Variants in ZNF536 observed in about 807,000 individuals in gnomAD.
ZNF536 encodes the protein zinc finger protein 536.
In ZNF536, 13 loss-of-function variants were observed where a neutral mutation model predicts 84.5. The observed-to-expected ratio is 0.15, with a 90% CI of 0.10 to 0.24. The LOEUF is 0.24. ZNF536 is among the 10% of genes least tolerant of loss of function. The probability of loss-of-function intolerance (pLI) is 1.00; values close to 1 mark genes in which losing one functional copy is unlikely to be tolerated. For missense variants in ZNF536, 1,536 were observed against 1,747.5 expected, an observed-to-expected ratio of 0.88 and a Z score of 2.16; for synonymous variants, 811 against 742.5, an observed-to-expected ratio of 1.09 and a Z score of -1.50.
At chr19:30,243,331 T>C (rs2024064884) in intron 1 of ZNF536, among the ~76,000 whole-genome samples, 1 of 152,144 alleles carries the variant, frequency 6.6e-6, no homozygotes, top group African/African-American at 2.4e-5. Context: ...ATTTAAAACA[T>C]TAGTTAGAAC....
At chr19:30,711,229 A>C (rs1478244494) in exon 2 of ZNF536, 1 of 152,086 alleles carries the variant, frequency 6.6e-6, no homozygotes, top group African/African-American at 2.4e-5. Flanking sequence ...AGTACTTCCA[A>C]AACAATGCAG....
At position 30,286,597 on chromosome 19, in the gene ZNF536, A is replaced by T. The variant is rs2045640033; in HGVS notation, c.-120+2456A>T. Among the ~76,000 whole-genome samples the T allele has an allele frequency of 2.0e-5, 3 of 152,006 alleles. No homozygotes were observed. The South Asian group carries it at 6.2e-4, about 32-fold the overall frequency. On this transcript the variant is annotated intron_variant, in intron 2 of 5. Coordinates refer to the ZNF536 transcript ENST00000585628. ...AAGACAGACAGAGAGAGAAAGAGAGAGAGAAGGAGAGAGACAGAGAGAGAG... is the reference window on the plus strand; with the variant it reads ...AAGACAGACAGAGAGAGAAAGAGAGTGAGAAGGAGAGAGACAGAGAGAGAG...
At position 30,600,933 on chromosome 19, in the gene ZNF536, G is replaced by A. The variant is rs543086017; in HGVS notation, c.169+51419G>A. On this transcript the variant is annotated intron_variant, in intron 1 of 1. Coordinates refer to the ZNF536 transcript ENST00000592773. ...GGAAAAGTGAACGCTTGTTTTATTC[G>A]TTGTTTTTGTTGTTAATTGAGCAAC... Among the ~76,000 whole-genome samples the A allele has an allele frequency of 1.2e-4, 18 of 152,306 alleles. No individual in the cohort carries two copies. The South Asian group carries it at 2.1e-3, about 18-fold the overall frequency.
intron 2 of ZNF536, among the ~76,000 whole-genome samples, chr19:30,320,922 G>A (rs1463793329): frequency 1.3e-5 from 2 of 152,150 alleles, no homozygotes; most frequent in Admixed American, 6.5e-5. Context: ...CACAGAATAC[G>A]TATTGAATGG....
rs117389314 is a variant in ZNF536 at position 30,348,850 on chromosome 19, G to A, written c.-119-3518G>A. On this transcript the variant is annotated intron_variant, in intron 2 of 5. Coordinates refer to the ZNF536 transcript ENST00000585628. ...TTTATTTTCACGTGATCCCTGAGAG[G>A]CCAGCAGAATGAATGCCAGTGCACC... Among the ~76,000 whole-genome samples the A allele has an allele frequency of 8.3e-3, 1,251 of 150,220 alleles. 12 individuals carry two copies. Among genetic ancestry groups the A allele is most frequent in the Middle Eastern group, 0.014 (4 of 286 alleles).
chr19:30,343,007 C>G (rs1043504646), intron 2 of ZNF536, among the ~76,000 whole-genome samples: 3 of 152,116 alleles, frequency 2.0e-5, no homozygotes, highest in Non-Finnish European at 4.4e-5. Context: ...CACTAAAGGC[C>G]AGGTGATGGT....
At chr19:30,291,136 T>TG (rs1316931668) in intron 2 of ZNF536, among the ~76,000 whole-genome samples, 1 of 152,226 alleles carries the variant, frequency 6.6e-6, no homozygotes, top group African/African-American at 2.4e-5. Context: ...TAGATAGTGC[T>TG]GCAAAAAATA....
At chr19:30,546,785 G>C (rs1250974858) in intron 3 of ZNF536, among the ~76,000 whole-genome samples, 1 of 152,216 alleles carries the variant, frequency 6.6e-6, no homozygotes, top group Admixed American at 6.5e-5. Context: ...AGCGGGGACT[G>C]TCACAGTCCC....
chr19:30,615,524 T>C (rs906606039), intron 1 of ZNF536, among the ~76,000 whole-genome samples: 1 of 152,168 alleles, frequency 6.6e-6, no homozygotes, highest in African/African-American at 2.4e-5. Context: ...ATATCAATGA[T>C]TTTGCAATTC....
intron 2 of ZNF536, among the ~76,000 whole-genome samples, chr19:30,339,096 G>A (rs1038572619): frequency 4.6e-5 from 7 of 152,182 alleles, no homozygotes; most frequent in Admixed American, 4.6e-4. Flanking sequence ...GCTTACGGGA[G>A]AGCTGCATGT....
intron 1 of ZNF536, among the ~76,000 whole-genome samples, chr19:30,692,211 C>T (rs951238678): frequency 6.6e-6 from 1 of 152,242 alleles, no homozygotes; most frequent in African/African-American, 2.4e-5. Context: ...GGTGCCGACG[C>T]AAGAAACTGC....
chr19:30,321,134 C>T (rs1226775732), intron 2 of ZNF536, among the ~76,000 whole-genome samples: 1 of 152,222 alleles, frequency 6.6e-6, no homozygotes, highest in Non-Finnish European at 1.5e-5. Flanking sequence ...GCAACCCCGA[C>T]CTCCCAGCCC....
chr19:30,458,454 T>G (rs897842036), intron 2 of ZNF536, among the ~76,000 whole-genome samples: 1 of 144,516 alleles, frequency 6.9e-6, no homozygotes, highest in Non-Finnish European at 1.5e-5. Context: ...GCTGTTTTTT[T>G]TTTTTTTTTT....
chr19:30,364,405 C>A (rs1008818671), intron 3 of ZNF536, among the ~76,000 whole-genome samples: 1 of 152,004 alleles, frequency 6.6e-6, no homozygotes, highest in African/African-American at 2.4e-5. Context: ...CGTGCACCTG[C>A]AATCCTAGCT....
chr19:30,653,370 G>A (rs2147478511), intron 1 of ZNF536, among the ~76,000 whole-genome samples: 1 of 152,156 alleles, frequency 6.6e-6, no homozygotes. Flanking sequence ...ACAGGGCATG[G>A]AAGGTTAGGT....
intron 1 of ZNF536, among the ~76,000 whole-genome samples, chr19:30,243,144 A>T (rs1487260746): frequency 2.0e-5 from 3 of 152,212 alleles, no homozygotes; most frequent in Non-Finnish European, 4.4e-5. Context: ...TAAAGGAAAA[A>T]AATATTTTAA....
At chr19:30,344,654 G>C (rs1050026063) in intron 2 of ZNF536, among the ~76,000 whole-genome samples, 1 of 146,614 alleles carries the variant, frequency 6.8e-6, no homozygotes, top group African/African-American at 2.6e-5. Flanking sequence ...CCTCGCTTGG[G>C]CTGGAGCAGA....
intron 2 of ZNF536, among the ~76,000 whole-genome samples, chr19:30,333,665 C>T (rs1344344765): frequency 6.6e-6 from 1 of 152,170 alleles, no homozygotes; most frequent in African/African-American, 2.4e-5. Context: ...CTGGCCTGAC[C>T]TCACTCACAC....
At chr19:30,386,283 C>G (rs1234212691) in intron 1 of ZNF536, among the ~76,000 whole-genome samples, 1 of 152,246 alleles carries the variant, frequency 6.6e-6, no homozygotes, top group East Asian at 1.9e-4. Flanking sequence ...GTTAGCCCCT[C>G]ACTCAGCTGA....
Sources: allele counts gnomAD v4.1 joint callset (sites outside exome capture counted in the v4.1 genomes callset), GRCh38; gene constraint gnomAD v4.1.1; transcripts MANE v1.5; gene names NCBI Gene and HGNC (gene_info 2026-07-23, HGNC 2026-07-21).